The following HMCN1 variants were observed in gnomAD, a reference collection of about 807,000 sequenced individuals.
The protein encoded by HMCN1 is hemicentin-1.
HMCN1 carries 321 observed loss-of-function variants against 625.9 expected under a neutral mutation model. The ratio of observed to expected loss-of-function variants is 0.51; its 90% confidence interval spans 0.47 to 0.56. The LOEUF (loss-of-function observed/expected upper bound fraction) is 0.56, where lower values mean the gene tolerates loss of function less well. HMCN1 is among the 20% of genes least tolerant of loss of function. The pLI is 0.00. For missense variants in HMCN1, 6,588 were observed against 6,887.3 expected (o/e 0.96, Z 1.54); for synonymous variants, 2,425 against 2,417.6 (o/e 1.00, Z -0.09).
intron 33 of HMCN1, among the ~76,000 whole-genome samples, chr1:186,017,802 TAGTG>T (rs1237019743): frequency 1.3e-5 from 2 of 152,012 alleles, no homozygotes; most frequent in East Asian, 1.9e-4. Context: ...TTTTGGTACA[TAGTG>T]GGTGTATACA....
chr1:185,932,931 A>G (rs561302424), intron 10 of HMCN1, among the ~76,000 whole-genome samples: 1 of 152,158 alleles, frequency 6.6e-6, no homozygotes, highest in Non-Finnish European at 1.5e-5. Context: ...TTGGCCTTTG[A>G]CCATATCTGA....
intron 1 of HMCN1, among the ~76,000 whole-genome samples, chr1:185,807,313 T>C (rs1290180101): frequency 6.6e-6 from 1 of 152,160 alleles, no homozygotes; most frequent in Non-Finnish European, 1.5e-5. Context: ...CAATAATTAA[T>C]TGCATGTAAT....
Position 186,093,604 on chromosome 1 carries a change from G to C in HMCN1, c.10131G>C (p.Leu3377=). 6.2e-7 allele frequency: 1 copy of C among 1,613,442 alleles called. No individual in the cohort carries two copies. Among genetic ancestry groups the C allele is most frequent in the Non-Finnish European group, 8.5e-7 (1 of 1,179,646 alleles). The part of the protein sequence containing the change: ...TGTPPPQINW[L]KNGLPLPLSS... ...CGCCTCCACCACAGATAAACTGGCT[G>C]AAGAATGGACTTCCTCTGCCTCTCT... The change falls in exon 66 of 107, where the codon CTG becomes CTC. Residue 3377 remains leucine (L), a synonymous_variant. Transcript: ENST00000271588.
At chr1:186,034,271 T>G (rs1655672514) in intron 36 of HMCN1, among the ~76,000 whole-genome samples, 1 of 152,180 alleles carries the variant, frequency 6.6e-6, no homozygotes. Context: ...CAGAAGGGAA[T>G]TCAGCTCTGC....
At chr1:185,937,882 AAATAATAATAATAATAAT>A (rs200950894) in intron 11 of HMCN1, among the ~76,000 whole-genome samples, 9 of 142,640 alleles carry the variant, frequency 6.3e-5, no homozygotes, top group African/African-American at 1.3e-4. Flanking sequence ...CTCCATCTCA[AAATAATAATAATAATAAT>A]AATAATAATA....
rs767513779 is a variant in HMCN1, at chr1:186,119,979, T to TC, written c.12095-32_12095-31insC. 2,163 of 1,613,974 alleles carry TC rather than the reference T, an allele frequency of 1.3e-3. 5 individuals carry two copies. The highest frequency in any genetic ancestry group is 5.8e-3 in the Middle Eastern group (35 of 6,062). ...GTTTTTAATGAACAGGCTTTTTTTT[T>TC]TCCCCACTCTGCTTTTGTAACTATG... is the stretch of plus-strand genomic sequence containing the variant. On this transcript the variant is annotated intron_variant, in intron 79 of 106. Coordinates refer to ENST00000271588, the MANE Select transcript of HMCN1 (RefSeq NM_031935.3).
chr1:185,947,551 T>C (rs1668410488), intron 11 of HMCN1, among the ~76,000 whole-genome samples: 4 of 152,268 alleles, frequency 2.6e-5, no homozygotes, highest in Admixed American at 2.0e-4. Flanking sequence ...CTCCACCATT[T>C]TGAAGAGGTG....
In HMCN1 at chr1:186,129,948, GTTTC is replaced by G; in HGVS notation, c.12905-15_12905-12del. 6.2e-7 allele frequency: 1 copy of G among 1,612,430 alleles called. No individual in the cohort carries two copies. The highest frequency in any genetic ancestry group is 8.5e-7 in the Non-Finnish European group (1 of 1,178,832). ...TAGGTTACTGAGAGGCACTTGTGTT[GTTTC>G]TTGTTTCCCTCAGCCCACTTTGACA... On this transcript the variant is annotated splice_polypyrimidine_tract_variant and intron_variant, in intron 83 of 106. Coordinates refer to ENST00000271588, the MANE Select transcript of HMCN1 (RefSeq NM_031935.3).
At chr1:185,998,230 G>A (rs2102055731) in intron 25 of HMCN1, among the ~76,000 whole-genome samples, 1 of 152,204 alleles carries the variant, frequency 6.6e-6, no homozygotes, top group Admixed American at 6.6e-5. Context: ...AGTCCAAGCA[G>A]TAGTCTTTCC....
intron 35 of HMCN1, 101 bp downstream of exon 35, chr1:186,019,796 G>A (rs1369577776): frequency 8.4e-6 from 8 of 953,470 alleles, no homozygotes; most frequent in Non-Finnish European, 1.2e-5. Context: ...CTGTTGGACA[G>A]ATTTTGCAGA....
At chr1:185,820,473 T>G (rs1660119460) in intron 1 of HMCN1, among the ~76,000 whole-genome samples, 1 of 152,170 alleles carries the variant, frequency 6.6e-6, no homozygotes, top group South Asian at 2.1e-4. Flanking sequence ...GTTGGTAGAA[T>G]AGTTCATCAA....
At chr1:185,786,820 C>G (rs917505969) in intron 1 of HMCN1, among the ~76,000 whole-genome samples, 1 of 152,154 alleles carries the variant, frequency 6.6e-6, no homozygotes, top group Non-Finnish European at 1.5e-5. Flanking sequence ...AATTTCCCAT[C>G]TGTGGTTAGT....
chr1:186,144,828 T>C lies in HMCN1; in HGVS notation c.14266+125T>C, dbSNP rs1362564029. On this transcript the variant is annotated intron_variant, in intron 91 of 106. Transcript: ENST00000271588. Reference sequence around the variant, plus strand: ...CCTTTGGTTTAGGATGTCAGAATGTTGTAAGGTTGCTGTCATGTCTGTATA... The same window carrying C: ...CCTTTGGTTTAGGATGTCAGAATGTCGTAAGGTTGCTGTCATGTCTGTATA... 5.3e-6 allele frequency: 6 copies of C among 1,132,408 alleles called. No individual in the cohort carries two copies. In the African/African-American group the frequency reaches 6.1e-5, roughly 11 times the overall value. 70.1% of individuals were successfully genotyped at this position (1,132,408 alleles called of 1,614,324 possible). A position where few individuals can be genotyped will look rare whatever the true frequency, so the allele number is the denominator to read the frequency against.
chr1:186,106,468 TTTTG>T (rs1396205932), intron 69 of HMCN1, among the ~76,000 whole-genome samples: 1 of 152,220 alleles, frequency 6.6e-6, no homozygotes, highest in Admixed American at 6.5e-5. Context: ...TAACCAGATA[TTTTG>T]TTTATCTGTT....
At chr1:186,137,424 A>T in intron 87 of HMCN1, 74 bp from the exon 88 acceptor site, 1 of 1,493,062 alleles carries the variant, frequency 6.7e-7, no homozygotes, top group Non-Finnish European at 9.2e-7. Flanking sequence ...TAACCCGTGC[A>T]TATCTTAAAT....
At chr1:185,942,317 A>G (rs903823286) in intron 11 of HMCN1, among the ~76,000 whole-genome samples, 3 of 152,234 alleles carry the variant, frequency 2.0e-5, no homozygotes, top group African/African-American at 7.2e-5. Flanking sequence ...CAGCAAAAAT[A>G]GACCATGTGA....
chr1:185,896,419 G>A (rs61829915), intron 4 of HMCN1, among the ~76,000 whole-genome samples: 30,295 of 130,414 alleles, frequency 0.23, 3,320 homozygotes, highest in South Asian at 0.26. Flanking sequence ...AAAAACTCAC[G>A]TGTACACCCA....
chr1:186,010,980 T>A (rs1002832092), intron 30 of HMCN1, among the ~76,000 whole-genome samples: 1 of 152,172 alleles, frequency 6.6e-6, no homozygotes, highest in Non-Finnish European at 1.5e-5. Context: ...GGGAAACATT[T>A]GAAGTTAGTA....
intron 30 of HMCN1, among the ~76,000 whole-genome samples, chr1:186,009,080 G>T (rs530151097): frequency 6.6e-6 from 1 of 152,266 alleles, no homozygotes; most frequent in African/African-American, 2.4e-5. Flanking sequence ...TTAAACAGAA[G>T]TGCTATTGGT....
Sources: allele counts gnomAD v4.1 joint callset (sites outside exome capture counted in the v4.1 genomes callset), GRCh38; gene constraint gnomAD v4.1.1; transcripts MANE v1.5; gene names NCBI Gene and HGNC (gene_info 2026-07-23, HGNC 2026-07-21).